Variants in RAPH1 observed in about 807,000 individuals in gnomAD.
The protein encoded by RAPH1 is Ras association (RalGDS/AF-6) and pleckstrin homology domains 1.
Under a neutral mutation model 88.1 loss-of-function variants are expected in RAPH1, and 18 were observed. The ratio of observed to expected loss-of-function variants is 0.20; its 90% CI spans 0.14 to 0.30. The LOEUF (loss-of-function observed/expected upper bound fraction) is 0.30, where lower values mean the gene tolerates loss of function less well. Among genes scored for constraint, RAPH1 ranks in the 10% least tolerant of loss-of-function variants. The pLI is 1.00. For missense variants in RAPH1, 1,448 were observed against 1,543.2 expected (o/e 0.94, Z 1.03); for synonymous variants, 587 against 559.0 (o/e 1.05, Z -0.71).
intron 1 of RAPH1, among the ~76,000 whole-genome samples, chr2:203,495,607 C>T (rs1221410928): frequency 2.6e-5 from 4 of 152,028 alleles, no homozygotes; most frequent in African/African-American, 9.7e-5. Context: ...TGACCAGAAT[C>T]GCATTACTAA....
intron 1 of RAPH1, among the ~76,000 whole-genome samples, 164 bp downstream of exon 1, chr2:203,534,947 C>T (rs1037038631): frequency 6.6e-6 from 1 of 152,214 alleles, no homozygotes. Context: ...GCCCGATCCC[C>T]AACCTGGCAA....
At chr2:203,477,011 T>G in intron 4 of RAPH1, 5 of 1,101,500 alleles carry the variant, frequency 4.5e-6, no homozygotes, top group Non-Finnish European at 6.8e-6. Context: ...GGTTTCATCA[T>G]TTGGAGGTCT....
At position 203,513,210 on chromosome 2, in the gene RAPH1, G is replaced by A. The variant is rs1000540361; in HGVS notation, c.1-17857C>T. 5.2e-5 allele frequency among the ~76,000 whole-genome samples: 6 copies of A among 116,466 alleles called. No homozygotes were observed. The Middle Eastern group carries it at 0.012, about 227-fold the overall frequency. The allele number at this position is 116,466 out of a possible 152,430, so 76.4% of individuals were successfully genotyped here. On this transcript the variant is annotated intron_variant, in intron 1 of 13. Coordinates refer to ENST00000319170, the MANE Select transcript of RAPH1 (RefSeq NM_213589.3). Reference sequence around the variant, plus strand: ...TCACTTTCTTAATCTGCAGAAAAATGGGGGGGGGAATAGATGAACTAGTTG... The same window carrying A: ...TCACTTTCTTAATCTGCAGAAAAATAGGGGGGGGAATAGATGAACTAGTTG...
intron 10 of RAPH1, among the ~76,000 whole-genome samples, chr2:203,450,497 GCAGA>G (rs1255025263): frequency 6.6e-6 from 1 of 152,178 alleles, no homozygotes; most frequent in African/African-American, 2.4e-5. Context: ...GCAAAGGAGG[GCAGA>G]CAGAGAAGTA....
At position 203,461,260 on chromosome 2, in the gene RAPH1, T is replaced by G; in HGVS notation, c.959A>C (p.Glu320Ala). The G allele has an allele frequency of 6.3e-7, 1 of 1,580,250 alleles. No individual in the cohort carries two copies. The highest frequency in any genetic ancestry group is 8.6e-7 in the Non-Finnish European group (1 of 1,162,714). Residue 320 changes from glutamate to alanine, a missense_variant, in exon 6 of 14, where the codon GAA (glutamate) becomes GCA (alanine). Transcript: ENST00000319170. ...ATGATATTACTAACCCATTTGTAATTCAGAAACGGTTTCTACCAGTGACCA... is the reference window on the plus strand; with the variant it reads ...ATGATATTACTAACCCATTTGTAATGCAGAAACGGTTTCTACCAGTGACCA... ...LDWSLVETVS[E>A]LQMERIFEDH...
chr2:203,441,201 C>T lies in RAPH1; in HGVS notation c.1989G>A (p.Met663Ile), dbSNP rs778182108. The part of the protein sequence containing the change: ...SAPSAGSAAP[M>I]FVKYSTITRL... ...GTGTTATTGTGCTGTACTTGACGAA[C>T]ATTGGGGCTGCTGAGCCTGCAGAAG... The change falls in exon 14 of 14, where the codon ATG becomes ATA. Residue 663 changes from methionine (M) to isoleucine (I), a missense_variant. Transcript: ENST00000319170. The T allele has an allele frequency of 6.4e-7, 1 of 1,559,814 alleles. No individual in the cohort carries two copies. The highest frequency in any genetic ancestry group is 1.8e-5 in the Admixed American group (1 of 57,090).
chr2:203,506,851 T>G (rs1156240216), intron 1 of RAPH1, among the ~76,000 whole-genome samples: 1 of 24,414 alleles, frequency 4.1e-5, no homozygotes, highest in African/African-American at 1.2e-4. Context: ...TATATCTATC[T>G]ATATCTATAT....
At chr2:203,489,458 A>C in intron 4 of RAPH1, 126 bp downstream of exon 4, 1 of 668,522 alleles carries the variant, frequency 1.5e-6, no homozygotes, top group Non-Finnish European at 2.2e-6. Flanking sequence ...CTTGAAACCT[A>C]TCTCAGAAGT....
intron 1 of RAPH1, among the ~76,000 whole-genome samples, chr2:203,509,579 T>C (rs1689244550): frequency 6.6e-6 from 1 of 152,220 alleles, no homozygotes; most frequent in Admixed American, 6.5e-5. Context: ...AGTAAATCAC[T>C]TCTATTTTGC....
intron 10 of RAPH1, among the ~76,000 whole-genome samples, chr2:203,450,563 A>G (rs2098514002): frequency 6.6e-6 from 1 of 152,230 alleles, no homozygotes; most frequent in Non-Finnish European, 1.5e-5. Flanking sequence ...TCATTCATTC[A>G]ACAGATACTT....
At chr2:203,441,846 C>A in intron 13 of RAPH1, 1 of 1,335,588 alleles carries the variant, frequency 7.5e-7, no homozygotes, top group Non-Finnish European at 9.6e-7. Flanking sequence ...ACTGCATCCA[C>A]ATCAAGCAGA....
chr2:203,480,428 G>A (rs1486638997), intron 4 of RAPH1, among the ~76,000 whole-genome samples: 1 of 152,114 alleles, frequency 6.6e-6, no homozygotes, highest in African/African-American at 2.4e-5. Context: ...CGCGCCTATA[G>A]TCACAGCTAC....
intron 4 of RAPH1, among the ~76,000 whole-genome samples, chr2:203,468,486 T>C (rs879289037): frequency 2.0e-5 from 3 of 152,228 alleles, no homozygotes; most frequent in Non-Finnish European, 4.4e-5. Context: ...TAGAACCCGC[T>C]GATCTCATCA....
chr2:203,506,898 A>ATTTTT (rs1243668890), intron 1 of RAPH1, among the ~76,000 whole-genome samples: 1 of 87,874 alleles, frequency 1.1e-5, no homozygotes, highest in Non-Finnish European at 2.1e-5. Flanking sequence ...ATATATATAT[A>ATTTTT]TTTTTTTTTT....
intron 7 of RAPH1, 25 bp from the exon 8 acceptor site, chr2:203,457,620 G>A: frequency 5.2e-6 from 8 of 1,526,150 alleles, no homozygotes; most frequent in Non-Finnish European, 7.3e-6. Flanking sequence ...ATATGGAAGG[G>A]ATGGGTGGGA....
intron 8 of RAPH1, among the ~76,000 whole-genome samples, chr2:203,457,262 G>T (rs571587012): frequency 1.3e-4 from 20 of 151,826 alleles, no homozygotes; most frequent in Non-Finnish European, 1.6e-4. Context: ...ATCTCGGCTC[G>T]CTGCAACCTC....
At chr2:203,471,238 A>G (rs537264748) in intron 4 of RAPH1, among the ~76,000 whole-genome samples, 6 of 152,372 alleles carry the variant, frequency 3.9e-5, no homozygotes, top group African/African-American at 1.2e-4. Context: ...GTAAAAGTAT[A>G]GAAAATATTG....
At chr2:203,531,940 T>C (rs1690407293) in intron 1 of RAPH1, among the ~76,000 whole-genome samples, 2 of 152,166 alleles carry the variant, frequency 1.3e-5, no homozygotes, top group South Asian at 4.1e-4. Flanking sequence ...AACAGTTGTA[T>C]ACCAATACTC....
chr2:203,490,184 T>C (rs553046409), intron 3 of RAPH1, 95 bp from the exon 4 acceptor site: 8 of 1,259,990 alleles, frequency 6.3e-6, no homozygotes. Context: ...ATATATTTTG[T>C]TGGGCCTAAA....
Sources: allele counts gnomAD v4.1 joint callset (sites outside exome capture counted in the v4.1 genomes callset), GRCh38; gene constraint gnomAD v4.1.1; transcripts MANE v1.5; gene names NCBI Gene and HGNC (gene_info 2026-07-23, HGNC 2026-07-21).